The following GRM5 variants were observed in gnomAD, a reference collection of about 807,000 sequenced individuals.
GRM5 encodes the protein glutamate metabotropic receptor 5, also known as metabotropic glutamate receptor 5.
Under a neutral mutation model 83.1 loss-of-function variants are expected in GRM5, and 19 were observed. The observed-to-expected ratio is 0.23, with a 90% CI of 0.16 to 0.34. The LOEUF (loss-of-function observed/expected upper bound fraction) is 0.34. GRM5 is among the 10% of genes least tolerant of loss of function. The probability of loss-of-function intolerance (pLI) is 1.00; values close to 1 mark genes in which losing one functional copy is unlikely to be tolerated. For synonymous variants in GRM5, 675 were observed against 633.6 expected (o/e 1.07, Z -0.98); for missense variants, 1,160 against 1,588.3 (o/e 0.73, Z 4.58).
At chr11:88,858,735 C>G (rs984258700) in intron 2 of GRM5, among the ~76,000 whole-genome samples, 1 of 151,858 alleles carries the variant, frequency 6.6e-6, no homozygotes, top group Admixed American at 6.6e-5. Flanking sequence ...GTTGAATGAA[C>G]TGATACAAAC....
Position 88,569,459 on chromosome 11 carries a change from T to C in GRM5, c.1691-1467A>G, listed in dbSNP as rs141171499. ...ATGGTAAAGGCATTAGTTACAATAC[T>C]ACATTTTTCATCAACCATTGCTGTG... On this transcript the variant is annotated intron_variant, in intron 7 of 9. Transcript: ENST00000305447. Among the ~76,000 whole-genome samples, 934 of 152,346 alleles carry C rather than the reference T, an allele frequency of 6.1e-3. 10 individuals carry two copies. The highest frequency in any genetic ancestry group is 0.022 in the Admixed American group (333 of 15,306).
chr11:88,810,981 A>T (rs1006770522), intron 3 of GRM5, among the ~76,000 whole-genome samples: 1 of 152,154 alleles, frequency 6.6e-6, no homozygotes, highest in Non-Finnish European at 1.5e-5. Context: ...CGGGAACAAG[A>T]CTATCTCAGA....
chr11:88,906,759 A>G lies in GRM5; in HGVS notation c.662-56604T>C, dbSNP rs1590954716. The stretch of plus-strand genomic sequence containing the variant: ...TTGTGCAAGTCACTTAATCTTACTA[A>G]CATCATATTCATCTGCTAAAAATTG... On this transcript the variant is annotated intron_variant, in intron 2 of 9. Coordinates refer to ENST00000305447, the MANE Select transcript of GRM5 (RefSeq NM_001143831.3). Among the ~76,000 whole-genome samples, 3 of 152,312 alleles carry G rather than the reference A, an allele frequency of 2.0e-5. No homozygotes were observed. The South Asian group carries it at 6.2e-4, about 32-fold the overall frequency.
intron 3 of GRM5, among the ~76,000 whole-genome samples, chr11:88,824,200 A>C (rs1230180186): frequency 6.6e-6 from 1 of 152,186 alleles, no homozygotes; most frequent in Non-Finnish European, 1.5e-5. Context: ...CTGAAATTAA[A>C]TGTCAGTGTT....
At chr11:88,594,519 A>G (rs2135214753) in intron 6 of GRM5, among the ~76,000 whole-genome samples, 1 of 152,352 alleles carries the variant, frequency 6.6e-6, no homozygotes, top group African/African-American at 2.4e-5. Context: ...AAAGACAGGT[A>G]GTAGGTCAGA....
rs780420662 is a variant in GRM5, at chr11:88,749,849, ATAAG to A, written c.912-96450_912-96447del. 1.3e-3 allele frequency among the ~76,000 whole-genome samples: 193 copies of A among 152,268 alleles called. 1 individual carries two copies. The highest frequency in any genetic ancestry group is 0.01 in the Middle Eastern group (3 of 294). ...TTCATATCTGGACAAACTAAACTTT[ATAAG>A]TAAGGAGAATTTTTTTTTGAGACAA... is the stretch of plus-strand genomic sequence containing the variant. On this transcript the variant is annotated intron_variant, in intron 3 of 9. Coordinates refer to ENST00000305447, the MANE Select transcript of GRM5 (RefSeq NM_001143831.3).
chr11:88,765,864 A>G (rs1942616476), intron 3 of GRM5, among the ~76,000 whole-genome samples: 1 of 151,844 alleles, frequency 6.6e-6, no homozygotes, highest in African/African-American at 2.4e-5. Context: ...ATATGTTTTA[A>G]AATTGTGTAT....
intron 2 of GRM5, among the ~76,000 whole-genome samples, chr11:88,989,516 A>G (rs1159266904): frequency 6.1e-4 from 79 of 128,756 alleles, no homozygotes; most frequent in East Asian, 8.8e-4. Context: ...CGGACCTAAT[A>G]GACATCTACA....
intron 3 of GRM5, among the ~76,000 whole-genome samples, chr11:88,660,911 T>C (rs2135317430): frequency 6.6e-6 from 1 of 152,324 alleles, no homozygotes; most frequent in African/African-American, 2.4e-5. Flanking sequence ...ATGCAACTTA[T>C]CAAAAAGCTC....
At chr11:88,525,476 C>T (rs55941422) in intron 8 of GRM5, 72 bp from the exon 9 acceptor site, 176 of 926,374 alleles carry the variant, frequency 1.9e-4, no homozygotes, top group East Asian at 9.2e-4. Flanking sequence ...GGCTGAGGAA[C>T]GGCCGTGACT....
At chr11:88,719,934 G>C (rs1245211043) in intron 3 of GRM5, among the ~76,000 whole-genome samples, 1 of 151,988 alleles carries the variant, frequency 6.6e-6, no homozygotes, top group Non-Finnish European at 1.5e-5. Context: ...TTGTACATTT[G>C]TTTAGGTTCC....
chr11:88,871,890 T>C (rs192483734), intron 2 of GRM5, among the ~76,000 whole-genome samples: 10 of 151,476 alleles, frequency 6.6e-5, no homozygotes, highest in Non-Finnish European at 1.5e-4. Context: ...TTAGAAATAA[T>C]TATACCCTAT....
intron 2 of GRM5, among the ~76,000 whole-genome samples, chr11:88,868,369 CT>C (rs139208145): frequency 2.6e-5 from 4 of 151,534 alleles, no homozygotes; most frequent in East Asian, 1.9e-4. Flanking sequence ...CTTTCTAAGT[CT>C]TTTTTTTCTC....
rs111835939 is a variant in GRM5, at chr11:88,742,997, G to A, written c.912-89594C>T. Among the ~76,000 whole-genome samples the A allele has an allele frequency of 9.1e-4, 138 of 152,170 alleles. 2 individuals carry two copies. The highest frequency in any genetic ancestry group is 2.3e-3 in the African/African-American group (95 of 41,514). On this transcript the variant is annotated intron_variant, in intron 3 of 9. Transcript: ENST00000305447. ...TAGTATTAGAGAGGATATAGCCCCC[G>A]ACAAATTCTATCAACTTCTGAAAAG...
intron 3 of GRM5, among the ~76,000 whole-genome samples, chr11:88,787,893 A>T (rs1309706092): frequency 6.6e-6 from 1 of 152,198 alleles, no homozygotes; most frequent in East Asian, 1.9e-4. Flanking sequence ...TGAAAGGCTT[A>T]TGTGATATCC....
intron 8 of GRM5, among the ~76,000 whole-genome samples, chr11:88,542,162 T>A (rs1269603676): frequency 5.3e-5 from 8 of 152,152 alleles, no homozygotes; most frequent in African/African-American, 1.9e-4. Flanking sequence ...TAATACACTA[T>A]GAGATATGTA....
chr11:88,697,923 C>G (rs1940939096), intron 3 of GRM5, among the ~76,000 whole-genome samples: 1 of 152,200 alleles, frequency 6.6e-6, no homozygotes, highest in Non-Finnish European at 1.5e-5. Context: ...CATCTTCTTG[C>G]TCATATGTAA....
At chr11:88,880,161 G>C (rs1378300952) in intron 2 of GRM5, among the ~76,000 whole-genome samples, 1 of 152,002 alleles carries the variant, frequency 6.6e-6, no homozygotes, top group Non-Finnish European at 1.5e-5. Context: ...ATTTTTGGCT[G>C]TTTGATTGCC....
intron 1 of GRM5, among the ~76,000 whole-genome samples, chr11:89,061,103 A>T (rs1941982357): frequency 6.6e-6 from 1 of 152,168 alleles, no homozygotes; most frequent in Non-Finnish European, 1.5e-5. Flanking sequence ...CAACATATAT[A>T]AAAAGTAGTA....
Sources: allele counts gnomAD v4.1 joint callset (sites outside exome capture counted in the v4.1 genomes callset), GRCh38; gene constraint gnomAD v4.1.1; transcripts MANE v1.5; gene names NCBI Gene and HGNC (gene_info 2026-07-23, HGNC 2026-07-21).